LIMCH1: variants seen among roughly 807,000 people sequenced by gnomAD.
The protein encoded by LIMCH1 is LIM and calponin homology domains-containing protein 1.
Under a neutral mutation model 176.5 loss-of-function variants are expected in LIMCH1, and 113 were observed. The observed-to-expected ratio is 0.64, with a 90% confidence interval of 0.55 to 0.75. The LOEUF (loss-of-function observed/expected upper bound fraction) is 0.75. LIMCH1 is among the 30% of genes least tolerant of loss of function. The pLI, the probability that LIMCH1 is intolerant of heterozygous loss-of-function variation, is 0.00. For missense variants in LIMCH1, 1,674 were observed against 1,814.9 expected (o/e 0.92, Z 1.41); for synonymous variants, 619 against 645.9 (o/e 0.96, Z 0.63).
chr4:41,649,814 C>G (rs2094214261), intron 17 of LIMCH1, among the ~76,000 whole-genome samples: 1 of 152,126 alleles, frequency 6.6e-6, no homozygotes, highest in African/African-American at 2.4e-5. Context: ...TGTGCATGGT[C>G]TTTTTTTCTT....
At chr4:41,477,473 C>A (rs565120831) in intron 1 of LIMCH1, among the ~76,000 whole-genome samples, 14 of 152,040 alleles carry the variant, frequency 9.2e-5, no homozygotes, top group Non-Finnish European at 1.6e-4. Context: ...GAGGAGTAAA[C>A]GAGTTGATGA....
intron 25 of LIMCH1, among the ~76,000 whole-genome samples, 172 bp from the exon 26 acceptor site, chr4:41,682,161 A>T (rs1257453567): frequency 1.3e-5 from 2 of 152,264 alleles, no homozygotes; most frequent in African/African-American, 4.8e-5. Context: ...TTCAGATTAT[A>T]CATTTATTCC....
rs368642004 is a variant in LIMCH1, at chr4:41,680,085, G to A, written c.3599G>A (p.Arg1200Lys). 9 of 1,603,780 alleles carry A rather than the reference G, an allele frequency of 5.6e-6. No homozygotes were observed. Among genetic ancestry groups the A allele is most frequent in the African/African-American group, 4.0e-5 (3 of 74,826 alleles). Residue 1200 changes from arginine (R) to lysine (K), a missense_variant, in exon 24 of 32, where the codon AGA (arginine) becomes AAA (lysine). By Grantham distance (26) the Arg-to-Lys change is conservative. Coordinates refer to ENST00000503057, the MANE Select transcript of LIMCH1 (RefSeq NM_001330672.2). ...AQKEVEEEER[R>K]YYEEERKIIE... Reference sequence around the variant, plus strand: ...AAGGAGGTGGAAGAGGAAGAACGCAGATACTATGAGGAGGTAGGAAATTCC... The same window carrying A: ...AAGGAGGTGGAAGAGGAAGAACGCAAATACTATGAGGAGGTAGGAAATTCC...
intron 1 of LIMCH1, among the ~76,000 whole-genome samples, chr4:41,436,009 AT>A (rs1479009303): frequency 6.6e-6 from 1 of 152,150 alleles, no homozygotes; most frequent in African/African-American, 2.4e-5. Context: ...AGTGTACCAT[AT>A]TTGTTCCACT....
intron 1 of LIMCH1, among the ~76,000 whole-genome samples, chr4:41,548,927 G>A (rs1460821419): frequency 6.6e-6 from 1 of 152,156 alleles, no homozygotes. Context: ...CTTTGGGCAG[G>A]GTAGTTTCTG....
intron 1 of LIMCH1, among the ~76,000 whole-genome samples, chr4:41,456,927 T>C (rs1004406155): frequency 6.6e-6 from 1 of 152,064 alleles, no homozygotes; most frequent in African/African-American, 2.4e-5. Context: ...CCTCACAGTA[T>C]GGGGGCTGAG....
chr4:41,554,151 G>C (rs2080918137), intron 1 of LIMCH1, among the ~76,000 whole-genome samples: 1 of 152,172 alleles, frequency 6.6e-6, no homozygotes, highest in South Asian at 2.1e-4. Context: ...CTAAGGAAAA[G>C]GAACTATTTT....
chr4:41,516,579 C>G (rs1205528229), intron 2 of LIMCH1, among the ~76,000 whole-genome samples: 1 of 152,084 alleles, frequency 6.6e-6, no homozygotes, highest in East Asian at 1.9e-4. Context: ...AATTTCCAGA[C>G]AGCAGGAATA....
intron 1 of LIMCH1, among the ~76,000 whole-genome samples, chr4:41,492,507 A>G (rs2071279460): frequency 6.6e-6 from 1 of 152,208 alleles, no homozygotes; most frequent in Admixed American, 6.5e-5. Flanking sequence ...TTTTAAGTGT[A>G]TTGAGATTTG....
At chr4:41,591,609 G>A (rs140783314) in intron 1 of LIMCH1, among the ~76,000 whole-genome samples, 1 of 152,118 alleles carries the variant, frequency 6.6e-6, no homozygotes, top group East Asian at 1.9e-4. Context: ...CTTCAAAAGT[G>A]GTAATTCTAG....
chr4:41,623,378 A>G (rs889478048), intron 7 of LIMCH1, among the ~76,000 whole-genome samples: 4 of 152,224 alleles, frequency 2.6e-5, no homozygotes, highest in African/African-American at 9.6e-5. Context: ...TAATAGAGCC[A>G]TGTCCGAGGG....
chr4:41,465,954 C>CTTTT (rs34784602), intron 1 of LIMCH1, among the ~76,000 whole-genome samples: 14 of 108,276 alleles, frequency 1.3e-4, no homozygotes, highest in East Asian at 2.5e-4. Flanking sequence ...CTGTTTGGCT[C>CTTTT]TTTTTTTTTT....
chr4:41,523,029 C>T (rs2076274059), intron 2 of LIMCH1, among the ~76,000 whole-genome samples: 1 of 151,932 alleles, frequency 6.6e-6, no homozygotes, highest in African/African-American at 2.4e-5. Flanking sequence ...CGAGAACAGC[C>T]AATTAATCTT....
At chr4:41,666,142 T>G (rs2094814995) in intron 20 of LIMCH1, among the ~76,000 whole-genome samples, 1 of 152,262 alleles carries the variant, frequency 6.6e-6, no homozygotes, top group Non-Finnish European at 1.5e-5. Context: ...ACTACTTTAA[T>G]GTTTAGCACT....
intron 1 of LIMCH1, among the ~76,000 whole-genome samples, chr4:41,556,395 CAAAAAAAAAA>C (rs71198668): frequency 2.4e-5 from 2 of 83,944 alleles, no homozygotes; most frequent in Non-Finnish European, 5.1e-5. Context: ...AACTCTATCT[CAAAAAAAAAA>C]AAAAAAAAGG....
chr4:41,663,142 TGTGTG>T (rs2094690132), intron 20 of LIMCH1, among the ~76,000 whole-genome samples, 158 bp downstream of exon 20: 1 of 143,990 alleles, frequency 6.9e-6, no homozygotes, highest in South Asian at 2.1e-4. Flanking sequence ...TTCGTGTGTG[TGTGTG>T]TGTGTGTGTG....
chr4:41,559,743 G>T (rs531626875), intron 1 of LIMCH1, among the ~76,000 whole-genome samples: 1 of 152,004 alleles, frequency 6.6e-6, no homozygotes, highest in African/African-American at 2.4e-5. Flanking sequence ...TAGCTTTCTT[G>T]TTGGCTGTTG....
intron 2 of LIMCH1, among the ~76,000 whole-genome samples, chr4:41,502,935 A>ACACACACACACG (rs1202252006): frequency 6.6e-5 from 10 of 151,750 alleles, no homozygotes; most frequent in African/African-American, 2.4e-4. Flanking sequence ...ACACACACAC[A>ACACACACACACG]CACCCCAGGT....
At chr4:41,368,002 G>A (rs2053367885) in intron 1 of LIMCH1, among the ~76,000 whole-genome samples, 1 of 151,990 alleles carries the variant, frequency 6.6e-6, no homozygotes, top group African/African-American at 2.4e-5. Flanking sequence ...AAATGGGTCT[G>A]CACCAAGTGA....
Sources: gnomAD v4.1 joint callset for allele counts (sites outside exome capture counted in the v4.1 genomes callset) on GRCh38, gnomAD v4.1.1 for gene constraint, MANE v1.5 for transcripts, NCBI Gene and HGNC (gene_info 2026-07-23, HGNC 2026-07-21) for gene names.